CIMAP1D: variants seen among roughly 807,000 people sequenced by gnomAD.
CIMAP1D encodes the protein CIMAP1 family member D.
chr19:481,152 AGGATGATGGG>A, the CIMAP1D span, among the ~76,000 whole-genome samples: 1 of 73,886 alleles, frequency 1.4e-5, no homozygotes, highest in South Asian at 4.8e-4. Context: ...GATGATGGGA[AGGATGATGGG>A]AAGGATGATG....
the CIMAP1D span, among the ~76,000 whole-genome samples, chr19:466,980 GGGTGGGTA>G: frequency 5.3e-4 from 37 of 69,810 alleles, no homozygotes; most frequent in African/African-American, 1.6e-3. Context: ...GTGGTTGGGT[GGGTGGGTA>G]GATGGATGAG....
chr19:471,936 T>C, the CIMAP1D span, among the ~76,000 whole-genome samples: 5 of 151,738 alleles, frequency 3.3e-5, no homozygotes, highest in Admixed American at 6.6e-5. Flanking sequence ...TTAGTAGAGA[T>C]GGGGTTTCAC....
chr19:491,073 G>A, the CIMAP1D span, among the ~76,000 whole-genome samples: 1 of 151,626 alleles, frequency 6.6e-6, no homozygotes. Flanking sequence ...TCCAGCCTGG[G>A]TGACAGAGTG....
the CIMAP1D span, among the ~76,000 whole-genome samples, chr19:480,598 GTGATGGGGAAGGATGATGGGAAGGA>G: frequency 2.8e-4 from 34 of 122,866 alleles, no homozygotes; most frequent in Non-Finnish European, 3.4e-4. Context: ...ATGTGGGAAG[GTGATGGGGAAGGATGATGGGAAGGA>G]TGATGGGGAA....
chr19:480,591 TG>T, the CIMAP1D span, among the ~76,000 whole-genome samples: 5 of 108,922 alleles, frequency 4.6e-5, no homozygotes, highest in Admixed American at 2.0e-4. Context: ...AGAAGGAATG[TG>T]GGAAGGTGAT....
chr19:479,421 G>T, the CIMAP1D span, among the ~76,000 whole-genome samples: 23 of 145,102 alleles, frequency 1.6e-4, 1 homozygote, highest in Non-Finnish European at 2.9e-4. Flanking sequence ...TGGGGGGGGG[G>T]GGGATGGAGT....
the CIMAP1D span, among the ~76,000 whole-genome samples, chr19:487,439 G>A: frequency 2.0e-5 from 3 of 152,270 alleles, no homozygotes; most frequent in East Asian, 3.9e-4. Context: ...CCTTCGGGCC[G>A]AGGTCAGCCC....
At chr19:480,585 G>A in the CIMAP1D span, among the ~76,000 whole-genome samples, 1 of 112,528 alleles carries the variant, frequency 8.9e-6, no homozygotes, top group African/African-American at 5.1e-5. Context: ...TGATGGAGAA[G>A]GAATGTGGGA....
the CIMAP1D span, among the ~76,000 whole-genome samples, chr19:474,248 C>T: frequency 3.3e-5 from 5 of 152,316 alleles, no homozygotes; most frequent in East Asian, 7.7e-4. Context: ...GAGCCGCCTC[C>T]GCACACGCGC....
the CIMAP1D span, among the ~76,000 whole-genome samples, chr19:486,328 G>A: frequency 2.0e-5 from 3 of 152,102 alleles, no homozygotes; most frequent in African/African-American, 4.8e-5. Flanking sequence ...TGCACTCACC[G>A]TACATTCTGC....
the CIMAP1D span, among the ~76,000 whole-genome samples, chr19:484,411 G>A: frequency 6.6e-6 from 1 of 152,138 alleles, no homozygotes; most frequent in South Asian, 2.1e-4. Flanking sequence ...AAAGTGCTGG[G>A]ATTACAGGCA....
chr19:473,438 A>G, the CIMAP1D span, among the ~76,000 whole-genome samples: 20,136 of 40,626 alleles, frequency 0.5, 4,624 homozygotes, highest in Non-Finnish European at 0.61. Flanking sequence ...GAGATACACG[A>G]TCACAGATGG....
chr19:475,763 C>A, the CIMAP1D span, among the ~76,000 whole-genome samples: 1 of 143,602 alleles, frequency 7.0e-6, no homozygotes. Context: ...TTTTTGGAGC[C>A]TTTTGCAGTG....
At chr19:484,218 A>C in the CIMAP1D span, among the ~76,000 whole-genome samples, 1 of 139,960 alleles carries the variant, frequency 7.1e-6, no homozygotes, top group Admixed American at 7.9e-5. Context: ...TTGGCTCACC[A>C]CAATCTCTGC....
At chr19:470,633 G>T in the CIMAP1D span, among the ~76,000 whole-genome samples, 1 of 152,166 alleles carries the variant, frequency 6.6e-6, no homozygotes, top group African/African-American at 2.4e-5. Flanking sequence ...CATTCTGAAG[G>T]CTGAGAACAG....
At chr19:484,062 G>A in the CIMAP1D span, among the ~76,000 whole-genome samples, 5 of 151,976 alleles carry the variant, frequency 3.3e-5, no homozygotes, top group Non-Finnish European at 7.4e-5. Flanking sequence ...GCTGCTTCTA[G>A]CTCGGAACAA....
At chr19:481,452 G>A in the CIMAP1D span, among the ~76,000 whole-genome samples, 3 of 83,574 alleles carry the variant, frequency 3.6e-5, no homozygotes, top group African/African-American at 5.0e-5. Flanking sequence ...GGATGATGGG[G>A]AAGGATGATG....
At chr19:481,915 A>G in the CIMAP1D span, among the ~76,000 whole-genome samples, 24,542 of 151,476 alleles carry the variant, frequency 0.16, 4,402 homozygotes, top group African/African-American at 0.44. Context: ...AGCTAGGACT[A>G]TAGGCATGTG....
chr19:478,966 A>G, the CIMAP1D span, among the ~76,000 whole-genome samples: 1 of 152,206 alleles, frequency 6.6e-6, no homozygotes, highest in Non-Finnish European at 1.5e-5. Flanking sequence ...TTTCCCTTGG[A>G]GACAGGCAGG....
Sources: gnomAD v4.1 joint callset for allele counts (sites outside exome capture counted in the v4.1 genomes callset) on GRCh38, gnomAD v4.1.1 for gene constraint, MANE v1.5 for transcripts, NCBI Gene and HGNC (gene_info 2026-07-23, HGNC 2026-07-21) for gene names.